CTNNA2: variants seen among roughly 807,000 people sequenced by gnomAD.
The protein encoded by CTNNA2 is catenin alpha 2.
A neutral mutation model predicts 101.0 loss-of-function variants in CTNNA2; 42 were observed. That is an observed-to-expected ratio of 0.42 (90% CI 0.32 to 0.54). The LOEUF (loss-of-function observed/expected upper bound fraction) is 0.54. Among genes scored for constraint, CTNNA2 ranks in the 20% least tolerant of loss-of-function variants. The pLI, the probability that CTNNA2 is intolerant of heterozygous loss-of-function variation, is 0.14. For missense variants in CTNNA2, 871 were observed against 1,223.1 expected, an observed-to-expected ratio of 0.71 and a Z score of 4.29; for synonymous variants, 450 against 456.4, an observed-to-expected ratio of 0.99 and a Z score of 0.18.
At chr2:80,097,836 T>A (rs1181029961) in intron 7 of CTNNA2, among the ~76,000 whole-genome samples, 2 of 152,244 alleles carry the variant, frequency 1.3e-5, no homozygotes, top group African/African-American at 4.8e-5. Context: ...GTAGTTCTCG[T>A]GCCATGGTTT....
At chr2:79,268,363 AC>A (rs921075534) in intron 2 of CTNNA2, among the ~76,000 whole-genome samples, 2 of 152,152 alleles carry the variant, frequency 1.3e-5, no homozygotes, top group Admixed American at 1.3e-4. Flanking sequence ...AGGATGGCAC[AC>A]CCCATGGAGA....
At chr2:80,584,522 T>C (rs1695809916) in intron 14 of CTNNA2, among the ~76,000 whole-genome samples, 1 of 151,872 alleles carries the variant, frequency 6.6e-6, no homozygotes, top group African/African-American at 2.4e-5. Context: ...TACCCTTTGA[T>C]CCTAGACATG....
intron 7 of CTNNA2, among the ~76,000 whole-genome samples, chr2:80,037,728 A>C (rs1272231267): frequency 6.6e-6 from 1 of 152,214 alleles, no homozygotes; most frequent in Non-Finnish European, 1.5e-5. Context: ...TTAGCTTTTT[A>C]TGAAAATCTA....
intron 6 of CTNNA2, among the ~76,000 whole-genome samples, chr2:79,903,583 G>C (rs1558627473): frequency 1.3e-5 from 2 of 152,132 alleles, no homozygotes; most frequent in Non-Finnish European, 2.9e-5. Flanking sequence ...GAGGAAGCAA[G>C]GTAGATGGGA....
At chr2:80,430,544 A>G (rs533150327) in intron 9 of CTNNA2, among the ~76,000 whole-genome samples, 1 of 152,276 alleles carries the variant, frequency 6.6e-6, no homozygotes, top group Non-Finnish European at 1.5e-5. Context: ...TCATATTTAT[A>G]AATATTAACC....
At chr2:79,358,573 T>C (rs962883139) in intron 3 of CTNNA2, among the ~76,000 whole-genome samples, 4 of 152,140 alleles carry the variant, frequency 2.6e-5, no homozygotes, top group Non-Finnish European at 5.9e-5. Flanking sequence ...AATTTTCTCT[T>C]AAAACAGCAA....
intron 15 of CTNNA2, among the ~76,000 whole-genome samples, chr2:80,600,540 G>T (rs1167308728): frequency 6.6e-6 from 1 of 151,906 alleles, no homozygotes; most frequent in Non-Finnish European, 1.5e-5. Flanking sequence ...GATTTGAAAA[G>T]ACAACTCAGA....
At chr2:80,224,383 C>T (rs1708751061) in intron 7 of CTNNA2, among the ~76,000 whole-genome samples, 1 of 152,158 alleles carries the variant, frequency 6.6e-6, no homozygotes, top group Admixed American at 6.5e-5. Context: ...ATCTCTTTGC[C>T]AGGTTTTCAT....
At chr2:80,587,901 C>T (rs773080373) in intron 14 of CTNNA2, among the ~76,000 whole-genome samples, 11 of 152,248 alleles carry the variant, frequency 7.2e-5, no homozygotes, top group East Asian at 1.9e-4. Context: ...ACATTTCATT[C>T]GGGGCTTGCT....
Position 80,647,920 on chromosome 2 carries a change from T to G in CTNNA2, c.*48T>G, listed in dbSNP as rs554883222. ...GCTTTTTCTTTCTTTTCTTTCTTTC[T>G]TTTTCTTTTTAATTCCATTTTTGTA... On this transcript the variant is annotated 3_prime_UTR_variant, in exon 19 of 19. Coordinates refer to ENST00000402739, the MANE Select transcript of CTNNA2 (RefSeq NM_001282597.3). 5 of 1,513,578 alleles carry G rather than the reference T, an allele frequency of 3.3e-6. No homozygotes were observed. In the East Asian group the frequency reaches 1.1e-4, roughly 35 times the overall value. The allele number at this position is 1,513,578 out of a possible 1,614,324, so 93.8% of individuals were successfully genotyped here. A position where few individuals can be genotyped will look rare whatever the true frequency, so the allele number is the denominator to read the frequency against.
intron 1 of CTNNA2, among the ~76,000 whole-genome samples, chr2:79,637,549 A>G (rs959421468): frequency 1.3e-5 from 2 of 152,192 alleles, no homozygotes; most frequent in Non-Finnish European, 2.9e-5. Context: ...TAGATCCATT[A>G]TCTGTTCACT....
rs181279390 is a variant in CTNNA2, at chr2:79,633,282, T to C, written c.-5-18270T>C. 2.6e-4 allele frequency among the ~76,000 whole-genome samples: 39 copies of C among 152,298 alleles called. No homozygotes were observed. The East Asian group carries it at 7.3e-3, about 29-fold the overall frequency. ...ATCTCCCCTCATAGTCACAGATAGATGCAACAGTGTCATGCCTAGTTACAA... is the reference window on the plus strand; with the variant it reads ...ATCTCCCCTCATAGTCACAGATAGACGCAACAGTGTCATGCCTAGTTACAA... On this transcript the variant is annotated intron_variant, in intron 1 of 18. Coordinates refer to ENST00000402739, the MANE Select transcript of CTNNA2 (RefSeq NM_001282597.3).
chr2:79,404,595 C>T (rs1356645759), intron 4 of CTNNA2, among the ~76,000 whole-genome samples: 2 of 152,026 alleles, frequency 1.3e-5, no homozygotes, highest in African/African-American at 2.4e-5. Flanking sequence ...CAGGGCAACT[C>T]GGTTTGACTT....
At chr2:80,532,811 G>T (rs920301522) in intron 9 of CTNNA2, among the ~76,000 whole-genome samples, 4 of 152,120 alleles carry the variant, frequency 2.6e-5, no homozygotes, top group African/African-American at 7.2e-5. Flanking sequence ...CCTAGGAGAA[G>T]AAAATATGAC....
chr2:80,607,189 G>A (rs1211840089), intron 16 of CTNNA2, among the ~76,000 whole-genome samples: 6 of 151,800 alleles, frequency 4.0e-5, no homozygotes, highest in Non-Finnish European at 8.8e-5. Flanking sequence ...TTCTAAATAA[G>A]ATACTTCAGT....
At chr2:79,442,233 A>G (rs962448289) in intron 4 of CTNNA2, among the ~76,000 whole-genome samples, 2 of 152,222 alleles carry the variant, frequency 1.3e-5, no homozygotes, top group African/African-American at 2.4e-5. Context: ...ATATATATTT[A>G]CTGGATGAAT....
At chr2:79,743,528 TTTTA>T (rs1671437895) in intron 2 of CTNNA2, among the ~76,000 whole-genome samples, 1 of 147,188 alleles carries the variant, frequency 6.8e-6, no homozygotes, top group Non-Finnish European at 1.5e-5. Flanking sequence ...ATTTTATTTA[TTTTA>T]TTTATTTTTT....
At chr2:79,326,315 C>T (rs1041448508) in intron 3 of CTNNA2, among the ~76,000 whole-genome samples, 1 of 138,992 alleles carries the variant, frequency 7.2e-6, no homozygotes, top group Non-Finnish European at 1.6e-5. Context: ...AAAAAAAAAA[C>T]CAGACATCTA....
intron 7 of CTNNA2, among the ~76,000 whole-genome samples, chr2:79,946,930 G>C (rs564336530): frequency 6.6e-6 from 1 of 152,212 alleles, no homozygotes; most frequent in African/African-American, 2.4e-5. Context: ...GAAGGAGACA[G>C]ACATCGTTAT....
Sources: gnomAD v4.1 joint callset for allele counts (sites outside exome capture counted in the v4.1 genomes callset) on GRCh38, gnomAD v4.1.1 for gene constraint, MANE v1.5 for transcripts, NCBI Gene and HGNC (gene_info 2026-07-23, HGNC 2026-07-21) for gene names.